Variants in CDH12 observed in about 807,000 individuals in gnomAD.
CDH12 encodes the protein cadherin 12, also known as cadherin-12.
In CDH12, 41 loss-of-function variants were observed where a neutral mutation model predicts 74.1. That is an observed-to-expected ratio of 0.55 (90% CI 0.43 to 0.72). The LOEUF is 0.72. Ranked by LOEUF, CDH12 falls within the 30% of genes least tolerant of loss-of-function variation. The probability of loss-of-function intolerance (pLI) is 0.00; values close to 1 mark genes in which losing one functional copy is unlikely to be tolerated. For missense variants in CDH12, 945 were observed against 977.2 expected (o/e 0.97, Z 0.44); for synonymous variants, 399 against 355.0 (o/e 1.12, Z -1.39).
intron 1 of CDH12, among the ~76,000 whole-genome samples, chr5:22,764,029 A>C (rs759093467): frequency 5.3e-5 from 8 of 151,362 alleles, no homozygotes; most frequent in Non-Finnish European, 1.0e-4. Flanking sequence ...AGTTTTACAA[A>C]GTTATGATAC....
chr5:22,287,708 G>C (rs1397820283), intron 3 of CDH12, among the ~76,000 whole-genome samples: 1 of 110,928 alleles, frequency 9.0e-6, no homozygotes, highest in African/African-American at 3.6e-5. Flanking sequence ...GGGCTAAAAA[G>C]CGGGACTCCG....
At chr5:22,393,406 CT>C (rs1360229185) in intron 3 of CDH12, among the ~76,000 whole-genome samples, 3 of 152,242 alleles carry the variant, frequency 2.0e-5, no homozygotes, top group East Asian at 1.9e-4. Flanking sequence ...GACTTCCAGC[CT>C]CTAACATTGT....
intron 5 of CDH12, among the ~76,000 whole-genome samples, chr5:22,064,644 T>G (rs1741436486): frequency 6.6e-6 from 1 of 152,276 alleles, no homozygotes; most frequent in South Asian, 2.1e-4. Context: ...TAACATAATA[T>G]TTTTGAACAT....
intron 2 of CDH12, among the ~76,000 whole-genome samples, chr5:22,427,641 G>T (rs1455147043): frequency 6.6e-6 from 1 of 152,118 alleles, no homozygotes; most frequent in African/African-American, 2.4e-5. Flanking sequence ...AAATTTAAGG[G>T]ACTTCAAGAG....
At chr5:22,469,015 C>T (rs1408270304) in intron 2 of CDH12, among the ~76,000 whole-genome samples, 1 of 152,126 alleles carries the variant, frequency 6.6e-6, no homozygotes, top group Non-Finnish European at 1.5e-5. Flanking sequence ...TTAGGGTTAC[C>T]TGTGGTACTT....
intron 2 of CDH12, among the ~76,000 whole-genome samples, chr5:22,480,019 C>T (rs1198047250): frequency 6.6e-6 from 1 of 152,002 alleles, no homozygotes; most frequent in Non-Finnish European, 1.5e-5. Context: ...TTAGGTAACC[C>T]ATTGTTTCTA....
In CDH12 at chr5:22,405,368, GA is replaced by G; in HGVS notation, c.-427-18del. On this transcript the variant is annotated intron_variant, in intron 2 of 14. Coordinates refer to ENST00000382254, the MANE Select transcript of CDH12 (RefSeq NM_004061.5). ...ACATCAAAGCTGAAAAATATGTAAA[GA>G]AAATGCTTTAAGAATATGCAAGACT... is the stretch of plus-strand genomic sequence containing the variant. The G allele has an allele frequency of 1.3e-6, 1 of 784,142 alleles. No homozygotes were observed. Among genetic ancestry groups the G allele is most frequent in the Non-Finnish European group, 1.5e-6 (1 of 646,398 alleles). 48.6% of individuals were successfully genotyped at this position (784,142 alleles called of 1,614,324 possible).
intron 4 of CDH12, among the ~76,000 whole-genome samples, chr5:22,179,351 G>C (rs1377778680): frequency 6.6e-6 from 1 of 152,220 alleles, no homozygotes; most frequent in East Asian, 1.9e-4. Flanking sequence ...CAGGTTAATT[G>C]CTTTCATCCA....
chr5:22,840,500 T>A (rs548316666), intron 1 of CDH12, among the ~76,000 whole-genome samples: 3 of 150,144 alleles, frequency 2.0e-5, no homozygotes, highest in African/African-American at 2.4e-5. Context: ...CAGTGATTTA[T>A]ATATATTATA....
At chr5:22,452,752 C>A (rs1745094603) in intron 2 of CDH12, among the ~76,000 whole-genome samples, 1 of 150,720 alleles carries the variant, frequency 6.6e-6, no homozygotes, top group Non-Finnish European at 1.5e-5. Flanking sequence ...ACCTTCTGCA[C>A]AACAGAGGAA....
At chr5:22,369,956 G>C (rs145802559) in intron 3 of CDH12, among the ~76,000 whole-genome samples, 130 of 152,008 alleles carry the variant, frequency 8.6e-4, no homozygotes, top group Middle Eastern at 3.4e-3. Context: ...CACAATAACA[G>C]AAAAATCACC....
At chr5:21,943,257 T>A (rs574004923) in intron 6 of CDH12, among the ~76,000 whole-genome samples, 1 of 152,028 alleles carries the variant, frequency 6.6e-6, no homozygotes, top group Admixed American at 6.6e-5. Context: ...ATACAGAGAG[T>A]CTACACATTT....
At chr5:22,562,094 G>A in intron 1 of CDH12, among the ~76,000 whole-genome samples, 1 of 152,150 alleles carries the variant, frequency 6.6e-6, no homozygotes, top group East Asian at 1.9e-4. Flanking sequence ...GAGGCGGGCG[G>A]ATCATGAGGT....
chr5:21,912,311 T>A (rs1753891950), intron 6 of CDH12, among the ~76,000 whole-genome samples: 1 of 141,996 alleles, frequency 7.0e-6, no homozygotes. Context: ...GTTAAGCAAC[T>A]TTTTTTTTTT....
At chr5:22,796,620 C>T (rs1373480484) in intron 1 of CDH12, among the ~76,000 whole-genome samples, 1 of 105,958 alleles carries the variant, frequency 9.4e-6, no homozygotes, top group African/African-American at 4.5e-5. Context: ...CCCGGGTTCA[C>T]GCCATTCTCC....
At chr5:22,081,407 T>C (rs930347370) in intron 4 of CDH12, among the ~76,000 whole-genome samples, 12 of 152,172 alleles carry the variant, frequency 7.9e-5, no homozygotes, top group African/African-American at 2.9e-4. Flanking sequence ...TATTAATTTC[T>C]TAAATTTTTT....
At position 22,245,570 on chromosome 5, in the gene CDH12, T is replaced by TA. The variant is rs1423852791; in HGVS notation, c.-332-32928dup. Among the ~76,000 whole-genome samples, 7 of 152,050 alleles carry TA rather than the reference T, an allele frequency of 4.6e-5. No individual in the cohort carries two copies. In the East Asian group the frequency reaches 1.4e-3, roughly 29 times the overall value. Reference sequence around the variant, plus strand: ...CACAGTTTGTACAAGGACGAGAGTTTAAAAAAATTAATACCTTGAATGTAA... The same window carrying TA: ...CACAGTTTGTACAAGGACGAGAGTTTAAAAAAAATTAATACCTTGAATGTAA... On this transcript the variant is annotated intron_variant, in intron 3 of 14. Coordinates refer to ENST00000382254, the MANE Select transcript of CDH12 (RefSeq NM_004061.5).
intron 6 of CDH12, among the ~76,000 whole-genome samples, chr5:21,880,248 T>A (rs1462638933): frequency 6.6e-6 from 1 of 152,214 alleles, no homozygotes; most frequent in Non-Finnish European, 1.5e-5. Context: ...AAGTTATATT[T>A]CCTTCCAACT....
intron 8 of CDH12, among the ~76,000 whole-genome samples, chr5:21,837,022 A>G (rs1749573079): frequency 6.6e-6 from 1 of 151,968 alleles, no homozygotes; most frequent in African/African-American, 2.4e-5. Context: ...ACCATTAAAG[A>G]GGGAGAGTGC....
Sources: gnomAD v4.1 joint callset for allele counts (sites outside exome capture counted in the v4.1 genomes callset) on GRCh38, gnomAD v4.1.1 for gene constraint, MANE v1.5 for transcripts, NCBI Gene and HGNC (gene_info 2026-07-23, HGNC 2026-07-21) for gene names.